The following MT1X variants were observed in gnomAD, a reference collection of about 807,000 sequenced individuals.
MT1X encodes the protein metallothionein 1X.
Under a neutral mutation model 8.6 loss-of-function variants are expected in MT1X, and 7 were observed. That is an observed-to-expected ratio of 0.81 (90% CI 0.46 to 1.52). MT1X has a LOEUF of 1.52. Ranked by LOEUF, MT1X falls within the 40% of genes most tolerant of loss-of-function variation. MT1X has a pLI of 0.01. For missense variants in MT1X, 72 were observed against 74.3 expected (o/e 0.97, Z 0.11); for synonymous variants, 25 against 27.6 (o/e 0.91, Z 0.30).
At chr16:56,683,081 G>C (rs1208180762) in intron 1 of MT1X, 84 bp from the exon 2 acceptor site, 4 of 1,515,682 alleles carry the variant, frequency 2.6e-6, no homozygotes, top group Non-Finnish European at 3.7e-6. Context: ...CAGCACAGAG[G>C]AGGGGTCACT....
Position 56,684,103 on chromosome 16 carries a change from A to ATTTTTTTTTTTTT in MT1X, c.*62_*74dup. The ATTTTTTTTTTTTT allele has an allele frequency of 1.6e-6, 2 of 1,276,054 alleles. No individual in the cohort carries two copies. The highest frequency in any genetic ancestry group is 2.1e-6 in the Non-Finnish European group (2 of 959,660). 79.0% of individuals were successfully genotyped at this position (1,276,054 alleles called of 1,614,324 possible). On this transcript the variant is annotated 3_prime_UTR_variant, in exon 3 of 3. Transcript: ENST00000394485. The stretch of plus-strand genomic sequence containing the variant: ...AATAGAGCAACCTATATAAACCTGG[A>ATTTTTTTTTTTTT]TTTTTTTTTTTTTTTTTTTTGTACA...
At position 56,682,627 on chromosome 16, in the gene MT1X, C is replaced by T. The variant is rs139753640; in HGVS notation, c.28+59C>T. 4.4e-6 allele frequency: 7 copies of T among 1,600,246 alleles called. No individual in the cohort carries two copies. The East Asian group carries it at 6.7e-5, about 15-fold the overall frequency. On this transcript the variant is annotated intron_variant, in intron 1 of 2. Transcript: ENST00000394485. ...CCGTTTCCCAGCCACAGTACAGACT[C>T]TTCCTGGGTTTGAAGAAGTCGCATT...
chr16:56,682,474 C>T lies in MT1X; in HGVS notation c.-67C>T, dbSNP rs1442859131. The T allele has an allele frequency of 3.1e-6, 5 of 1,594,670 alleles. No individual in the cohort carries two copies. Among genetic ancestry groups the T allele is most frequent in the African/African-American group, 2.7e-5 (2 of 74,432 alleles). Reference sequence around the variant, plus strand: ...AGCCGCCGGCTTCTGGGCTCCACCACGCTTTTCATCTGTCCCGCTGCGTGT... The same window carrying T: ...AGCCGCCGGCTTCTGGGCTCCACCATGCTTTTCATCTGTCCCGCTGCGTGT... On this transcript the variant is annotated 5_prime_UTR_variant, in exon 1 of 3. The change creates a new upstream start codon in the 5' untranslated region. Transcript: ENST00000394485.
Position 56,682,553 on chromosome 16 carries a change from T to G in MT1X, c.13T>G (p.Cys5Gly). The G allele has an allele frequency of 6.2e-7, 1 of 1,614,244 alleles. No individual in the cohort carries two copies. The highest frequency in any genetic ancestry group is 1.1e-5 in the South Asian group (1 of 91,088). The change falls in exon 1 of 3, where the codon TGC becomes GGC. Residue 5 changes from cysteine to glycine, a missense_variant. Coordinates refer to ENST00000394485, the MANE Select transcript of MT1X (RefSeq NM_005952.4). MDPNCSCSPVGSCAC... is the reference protein window; with the variant it reads MDPNGSCSPVGSCAC... ...TCCTTGCCTCGAAATGGACCCCAAC[T>G]GCTCCTGCTCGCCTGGTAAGGGACA...
rs376283692 is a variant in MT1X at position 56,683,200 on chromosome 16, A to G, written c.64A>G (p.Lys22Glu). ...TGCCTGTGCCGGCTCCTGCAAATGC[A>G]AAGAGTGCAAATGCACCTCCTGCAA... is the stretch of plus-strand genomic sequence containing the variant. The part of the protein sequence containing the change: ...SCACAGSCKC[K>E]ECKCTSCKKS... Residue 22 changes from lysine (K) to glutamate (E), a missense_variant, in exon 2 of 3, where the codon AAA (lysine) becomes GAA (glutamate). Lys to Glu is a moderately conservative substitution (Grantham distance 56, BLOSUM62 1). Transcript: ENST00000394485. 5.6e-6 allele frequency: 9 copies of G among 1,613,978 alleles called. No individual in the cohort carries two copies. Among genetic ancestry groups the G allele is most frequent in the Non-Finnish European group, 5.9e-6 (7 of 1,179,900 alleles).
At position 56,682,518 on chromosome 16, in the gene MT1X, C is replaced by T. The variant is rs1961013181; in HGVS notation, c.-23C>T. 6.2e-7 allele frequency: 1 copy of T among 1,614,210 alleles called. No homozygotes were observed. The highest frequency in any genetic ancestry group is 8.5e-7 in the Non-Finnish European group (1 of 1,180,020). On this transcript the variant is annotated 5_prime_UTR_variant, in exon 1 of 3. Coordinates refer to ENST00000394485, the MANE Select transcript of MT1X (RefSeq NM_005952.4). ...TGCGTGTTTTCCTCTTGATCGGGAA[C>T]TCCTGCTTCTCCTTGCCTCGAAATG...
At chr16:56,682,870 G>T in intron 1 of MT1X, 1 of 591,160 alleles carries the variant, frequency 1.7e-6, no homozygotes, top group Non-Finnish European at 3.0e-6. Flanking sequence ...GATGGGAAGT[G>T]GGGGGCCATT....
chr16:56,682,729 G>A (rs895333389), intron 1 of MT1X, 161 bp downstream of exon 1: 32 of 826,312 alleles, frequency 3.9e-5, no homozygotes, highest in African/African-American at 2.7e-4. Flanking sequence ...ACCACTTCTC[G>A]CCTCCCTGTG....
At chr16:56,682,721 C>A in intron 1 of MT1X, 153 bp downstream of exon 1, 3 of 918,904 alleles carry the variant, frequency 3.3e-6, no homozygotes, top group Non-Finnish European at 5.1e-6. Flanking sequence ...TCCCTGAGAC[C>A]ACTTCTCGCC....
intron 2 of MT1X, 96 bp downstream of exon 2, chr16:56,683,326 T>C: frequency 7.0e-7 from 1 of 1,430,414 alleles, no homozygotes; most frequent in Non-Finnish European, 9.8e-7. Context: ...ATGACCAGCT[T>C]CCCCAAACCC....
chr16:56,683,126 T>A (rs1490895967), intron 1 of MT1X, 39 bp from the exon 2 acceptor site: 6 of 1,612,212 alleles, frequency 3.7e-6, no homozygotes, highest in African/African-American at 2.7e-5. Context: ...ACCTTCTGCA[T>A]CTCACTCCAC....
Position 56,682,776 on chromosome 16 carries a change from C to T in MT1X, c.28+208C>T, listed in dbSNP as rs529905984. ...GAGTTGAGGGTACTGAGGCCCAAGGCTGTCCTGCTCCATGTCACCCAGTTG... is the reference window on the plus strand; with the variant it reads ...GAGTTGAGGGTACTGAGGCCCAAGGTTGTCCTGCTCCATGTCACCCAGTTG... On this transcript the variant is annotated intron_variant, in intron 1 of 2. Coordinates refer to ENST00000394485, the MANE Select transcript of MT1X (RefSeq NM_005952.4). 6.2e-5 allele frequency: 40 copies of T among 643,394 alleles called. No homozygotes were observed. In the East Asian group the frequency reaches 1.1e-3, roughly 17 times the overall value. The allele number at this position is 643,394 out of a possible 1,614,324, so 39.9% of individuals were successfully genotyped here. A position where few individuals can be genotyped will look rare whatever the true frequency, so the allele number is the denominator to read the frequency against.
chr16:56,683,890 C>T (rs562222357), intron 2 of MT1X, 68 bp from the exon 3 acceptor site: 2 of 1,604,668 alleles, frequency 1.2e-6, no homozygotes, highest in East Asian at 2.2e-5. Flanking sequence ...TCGAGCCAGG[C>T]CTCTGTTGGG....
rs1272095186 is a variant in MT1X at position 56,682,704 on chromosome 16, G to A, written c.28+136G>A. On this transcript the variant is annotated intron_variant, in intron 1 of 2. Transcript: ENST00000394485. The stretch of plus-strand genomic sequence containing the variant: ...TTATTTCGTTAGGTGCTTTCTTCCC[G>A]ATCACGTCCCTGAGACCACTTCTCG... 9 of 1,120,432 alleles carry A rather than the reference G, an allele frequency of 8.0e-6. No homozygotes were observed. The Admixed American group carries it at 1.0e-4, about 13-fold the overall frequency. 69.4% of individuals were successfully genotyped at this position (1,120,432 alleles called of 1,614,324 possible).
chr16:56,683,881 C>T lies in MT1X; in HGVS notation c.95-77C>T, dbSNP rs1961031080. ...GTCCTCTGGGGCTGGAGGCAGGGCT[C>T]GAGCCAGGCCTCTGTTGGGGCAGGG... On this transcript the variant is annotated intron_variant, in intron 2 of 2. Coordinates refer to ENST00000394485, the MANE Select transcript of MT1X (RefSeq NM_005952.4). 6.9e-6 allele frequency: 11 copies of T among 1,594,276 alleles called. No homozygotes were observed. In the Admixed American group the frequency reaches 1.1e-4, roughly 16 times the overall value.
At chr16:56,683,351 G>C (rs1235471419) in intron 2 of MT1X, 121 bp downstream of exon 2, 6 of 1,163,968 alleles carry the variant, frequency 5.2e-6, no homozygotes, top group South Asian at 1.3e-5. Context: ...TTCAACACCT[G>C]ATTCAGAATC....
chr16:56,682,567 T>C lies in MT1X; in HGVS notation c.27T>C (p.Pro9=), dbSNP rs911041387. 2 of 1,614,100 alleles carry C rather than the reference T, an allele frequency of 1.2e-6. No individual in the cohort carries two copies. Among genetic ancestry groups the C allele is most frequent in the Non-Finnish European group, 1.7e-6 (2 of 1,180,026 alleles). MDPNCSCS[P]VGSCACAGSC... is the part of the protein sequence containing the mutation. The stretch of plus-strand genomic sequence containing the variant: ...TGGACCCCAACTGCTCCTGCTCGCC[T>C]GGTAAGGGACACCTAGCTCCGCGCC... Residue 9 remains proline (P), a splice_region_variant and synonymous_variant, in exon 1 of 3, where the codon CCT becomes CCC. Transcript: ENST00000394485.
chr16:56,683,397 G>A (rs1330522337), intron 2 of MT1X, 167 bp downstream of exon 2: 2 of 712,464 alleles, frequency 2.8e-6, no homozygotes, highest in Non-Finnish European at 4.6e-6. Flanking sequence ...GTGAGTCCCA[G>A]CCTCTTATTA....
At chr16:56,682,838 C>G (rs75022834) in intron 1 of MT1X, 14 of 597,000 alleles carry the variant, frequency 2.3e-5, no homozygotes, top group Middle Eastern at 4.4e-4. Context: ...ATGCTCTGAC[C>G]AGGCTCTGAG....
Sources: allele counts gnomAD v4.1 joint callset, GRCh38; gene constraint gnomAD v4.1.1; transcripts MANE v1.5; gene names NCBI Gene and HGNC (gene_info 2026-07-23, HGNC 2026-07-21).